Variants in SORCS3 observed in about 807,000 individuals in gnomAD.
SORCS3 encodes VPS10 domain-containing receptor SorCS3.
A neutral mutation model predicts 146.3 loss-of-function variants in SORCS3; 57 were observed. The observed-to-expected ratio is 0.39, with a 90% CI of 0.31 to 0.49. The LOEUF (loss-of-function observed/expected upper bound fraction) is 0.49, where lower values mean the gene tolerates loss of function less well. SORCS3 is among the 20% of genes least tolerant of loss of function. The pLI, the probability that SORCS3 is intolerant of heterozygous loss-of-function variation, is 0.92. For synonymous variants in SORCS3, 653 were observed against 618.5 expected, an observed-to-expected ratio of 1.06 and a Z score of -0.83; for missense variants, 1,341 against 1,575.5, an observed-to-expected ratio of 0.85 and a Z score of 2.52.
intron 1 of SORCS3, among the ~76,000 whole-genome samples, chr10:104,823,148 C>T (rs1221567162): frequency 6.6e-6 from 1 of 152,130 alleles, no homozygotes; most frequent in Non-Finnish European, 1.5e-5. Context: ...GGCCAATAGG[C>T]AGATGAGTAA....
chr10:105,081,184 C>G (rs908929741), intron 5 of SORCS3, among the ~76,000 whole-genome samples: 3 of 152,132 alleles, frequency 2.0e-5, no homozygotes, highest in Non-Finnish European at 2.9e-5. Context: ...AGCATTCATA[C>G]TTTGACCTTA....
At chr10:104,821,718 A>G (rs2017875046) in intron 1 of SORCS3, among the ~76,000 whole-genome samples, 1 of 152,204 alleles carries the variant, frequency 6.6e-6, no homozygotes. Context: ...ATTCTGGGGT[A>G]CGAGGAGCCT....
chr10:104,917,632 C>G (rs1049527928), intron 3 of SORCS3, among the ~76,000 whole-genome samples: 6 of 152,130 alleles, frequency 3.9e-5, no homozygotes, highest in African/African-American at 1.4e-4. Flanking sequence ...CCAATGTCTC[C>G]CAAACATGCC....
At chr10:104,975,447 G>A (rs1465296183) in intron 3 of SORCS3, among the ~76,000 whole-genome samples, 1 of 152,090 alleles carries the variant, frequency 6.6e-6, no homozygotes, top group Non-Finnish European at 1.5e-5. Flanking sequence ...CATGCTCATG[G>A]GTAGGAAGAA....
intron 3 of SORCS3, among the ~76,000 whole-genome samples, chr10:104,972,392 C>T (rs2054865690): frequency 6.6e-6 from 1 of 152,108 alleles, no homozygotes; most frequent in Non-Finnish European, 1.5e-5. Flanking sequence ...AGATGATAAA[C>T]CTTCTGTGGG....
chr10:105,138,629 T>C (rs1264207787), intron 7 of SORCS3, among the ~76,000 whole-genome samples: 1 of 152,184 alleles, frequency 6.6e-6, no homozygotes, highest in Non-Finnish European at 1.5e-5. Flanking sequence ...AGCCGTGCCA[T>C]GTTGGCAGGG....
At chr10:105,162,897 T>C (rs866415466) in intron 11 of SORCS3, among the ~76,000 whole-genome samples, 6 of 152,200 alleles carry the variant, frequency 3.9e-5, no homozygotes, top group Admixed American at 1.3e-4. Context: ...CATTCTATTC[T>C]GTCAAAACCA....
chr10:104,869,823 C>T (rs187866400), intron 2 of SORCS3, among the ~76,000 whole-genome samples: 3 of 152,294 alleles, frequency 2.0e-5, no homozygotes, highest in Admixed American at 2.0e-4. Context: ...TTTCAAACAT[C>T]TTTTATAGTA....
intron 1 of SORCS3, among the ~76,000 whole-genome samples, chr10:104,682,329 C>T (rs534724426): frequency 6.6e-6 from 1 of 152,382 alleles, no homozygotes; most frequent in South Asian, 2.1e-4. Flanking sequence ...CCTGGGGCTG[C>T]ATGGCCTGGA....
intron 1 of SORCS3, among the ~76,000 whole-genome samples, chr10:104,832,470 C>A (rs1306752275): frequency 6.6e-6 from 1 of 152,184 alleles, no homozygotes; most frequent in Non-Finnish European, 1.5e-5. Flanking sequence ...GTAATCCCAG[C>A]ACTTTGGGAG....
chr10:104,757,254 C>T (rs2017064540), intron 1 of SORCS3, among the ~76,000 whole-genome samples: 1 of 152,058 alleles, frequency 6.6e-6, no homozygotes, highest in Non-Finnish European at 1.5e-5. Context: ...ACATCTAACC[C>T]TTGGCTTTCT....
chr10:105,216,438 A>C (rs1041428882), intron 18 of SORCS3, among the ~76,000 whole-genome samples: 2 of 152,056 alleles, frequency 1.3e-5, no homozygotes, highest in Non-Finnish European at 2.9e-5. Flanking sequence ...GTCTTCCTGT[A>C]CTCACTATGA....
chr10:104,999,169 T>C (rs2055045934), intron 4 of SORCS3, among the ~76,000 whole-genome samples: 1 of 152,206 alleles, frequency 6.6e-6, no homozygotes. Context: ...TACTTCTAGG[T>C]ATATAATTTA....
Position 105,126,705 on chromosome 10 carries a change from G to A in SORCS3, c.1213-12692G>A, listed in dbSNP as rs115191361. Among the ~76,000 whole-genome samples, 958 of 152,246 alleles carry A rather than the reference G, an allele frequency of 6.3e-3. 14 individuals carry two copies. The highest frequency in any genetic ancestry group is 0.022 in the African/African-American group (906 of 41,544). On this transcript the variant is annotated intron_variant, in intron 7 of 26. Coordinates refer to ENST00000369701, the MANE Select transcript of SORCS3 (RefSeq NM_014978.3). ...CAGTTCAGCCCTCTGCTAGCTGTGT[G>A]ACTTTGCTGTCTTAGTTGTCCCTTA...
chr10:105,091,910 C>T (rs902159845), intron 6 of SORCS3, among the ~76,000 whole-genome samples: 3 of 152,124 alleles, frequency 2.0e-5, no homozygotes, highest in South Asian at 2.1e-4. Context: ...GGTTTTGCCT[C>T]CTAAGTCAAC....
chr10:104,664,839 G>A (rs1230605360), intron 1 of SORCS3: 1 of 152,374 alleles, frequency 6.6e-6, no homozygotes, highest in Non-Finnish European at 1.5e-5. Flanking sequence ...AGTAAAGGAG[G>A]AAGGAACTCC....
chr10:105,065,060 TTGTTG>T (rs2055514064), intron 5 of SORCS3, among the ~76,000 whole-genome samples: 1 of 152,070 alleles, frequency 6.6e-6, no homozygotes, highest in Non-Finnish European at 1.5e-5. Flanking sequence ...TAATGAGTCT[TTGTTG>T]GGGGTGGGCA....
chr10:104,643,112 G>T (rs1286918326), intron 1 of SORCS3, among the ~76,000 whole-genome samples: 1 of 152,224 alleles, frequency 6.6e-6, no homozygotes, highest in Admixed American at 6.5e-5. Flanking sequence ...CCATGGTTCA[G>T]ATCAGAACCT....
intron 1 of SORCS3, among the ~76,000 whole-genome samples, chr10:104,697,016 A>T (rs953816793): frequency 6.6e-6 from 1 of 151,714 alleles, no homozygotes; most frequent in Non-Finnish European, 1.5e-5. Context: ...AATTTCAGTT[A>T]TAAGCTGAAC....
Sources: gnomAD v4.1 joint callset for allele counts (sites outside exome capture counted in the v4.1 genomes callset) on GRCh38, gnomAD v4.1.1 for gene constraint, MANE v1.5 for transcripts, NCBI Gene and HGNC (gene_info 2026-07-23, HGNC 2026-07-21) for gene names.